Variants in ACTR3B observed in about 807,000 individuals in gnomAD.
The protein encoded by ACTR3B is actin related protein 3B, also known as actin-related protein 3B.
In ACTR3B, 8 loss-of-function variants were observed where a neutral mutation model predicts 59.0. That is an observed-to-expected ratio of 0.14 (90% confidence interval 0.08 to 0.24). The LOEUF (loss-of-function observed/expected upper bound fraction) is 0.24, where lower values mean the gene tolerates loss of function less well. ACTR3B is among the 10% of genes least tolerant of loss of function. ACTR3B has a pLI of 1.00. For synonymous variants in ACTR3B, 148 were observed against 197.9 expected, an observed-to-expected ratio of 0.75 and a Z score of 2.12; for missense variants, 245 against 552.3, an observed-to-expected ratio of 0.44 and a Z score of 5.58.
At chr7:152,825,473 A>G (rs1284135633) in intron 9 of ACTR3B, among the ~76,000 whole-genome samples, 3 of 151,468 alleles carry the variant, frequency 2.0e-5, no homozygotes, top group African/African-American at 7.3e-5. Flanking sequence ...CACCACACCC[A>G]GCGAATTTTT....
chr7:152,822,497 C>T (rs967638077), intron 7 of ACTR3B, among the ~76,000 whole-genome samples: 30 of 152,250 alleles, frequency 2.0e-4, no homozygotes, highest in Admixed American at 8.5e-4. Context: ...GAATCGTTAG[C>T]GACTTCTCTC....
intron 1 of ACTR3B, among the ~76,000 whole-genome samples, chr7:152,761,057 C>T (rs1212241499): frequency 6.6e-6 from 1 of 152,186 alleles, no homozygotes; most frequent in Non-Finnish European, 1.5e-5. Context: ...CAGTCCATCT[C>T]CTACTGTTAG....
chr7:152,800,466 C>T (rs2098231811), intron 2 of ACTR3B, 65 bp from the exon 3 acceptor site: 17 of 1,571,898 alleles, frequency 1.1e-5, no homozygotes, highest in Non-Finnish European at 1.4e-5. Context: ...AGGATATTAT[C>T]CCTTTTGATC....
intron 9 of ACTR3B, among the ~76,000 whole-genome samples, chr7:152,851,643 G>T (rs549902834): frequency 2.0e-5 from 3 of 152,228 alleles, no homozygotes; most frequent in African/African-American, 2.4e-5. Context: ...GGGCAGTGCT[G>T]GCTGGGTGGC....
At chr7:152,782,443 T>C (rs2689480) in intron 1 of ACTR3B, among the ~76,000 whole-genome samples, 6 of 152,218 alleles carry the variant, frequency 3.9e-5, no homozygotes, top group East Asian at 3.9e-4. Context: ...ATTTAGGAGA[T>C]TAGCAAATGC....
intron 9 of ACTR3B, among the ~76,000 whole-genome samples, chr7:152,844,617 A>G (rs535384204): frequency 6.6e-6 from 1 of 151,824 alleles, no homozygotes; most frequent in East Asian, 1.9e-4. Context: ...TCTGTTACAA[A>G]TTCTTTCTTA....
At chr7:152,768,625 C>T (rs531300980) in intron 1 of ACTR3B, among the ~76,000 whole-genome samples, 16 of 151,922 alleles carry the variant, frequency 1.1e-4, no homozygotes, top group Admixed American at 2.0e-4. Flanking sequence ...TACAGGCGCC[C>T]GCCATCACGC....
rs770685411 is a variant in ACTR3B at position 152,853,509 on chromosome 7, G to A, written c.1093G>A (p.Val365Ile). The change falls in exon 11 of 12, where the codon GTC becomes ATC. Residue 365 changes from valine to isoleucine, a missense_variant. By Grantham distance (29) the Val-to-Ile change is conservative. Transcript: ENST00000256001. ...GGRIKPKPVE[V>I]QVVTHHMQRY... ...TCTCTTCCAGCCGAAGCCTGTGGAGGTCCAGGTGGTCACGCATCACATGCA... is the reference window on the plus strand; with the variant it reads ...TCTCTTCCAGCCGAAGCCTGTGGAGATCCAGGTGGTCACGCATCACATGCA... The A allele has an allele frequency of 1.9e-6, 3 of 1,612,384 alleles. No homozygotes were observed. In the South Asian group the frequency reaches 3.3e-5, roughly 18 times the overall value.
chr7:152,777,520 TA>T (rs2098139056), intron 1 of ACTR3B, among the ~76,000 whole-genome samples: 1 of 151,940 alleles, frequency 6.6e-6, no homozygotes, highest in African/African-American at 2.4e-5. Context: ...TTTCATCCAT[TA>T]TATGTTCTTA....
chr7:152,801,557 T>C (rs1321074308), intron 3 of ACTR3B, 64 bp from the exon 4 acceptor site: 30 of 1,553,850 alleles, frequency 1.9e-5, no homozygotes, highest in Non-Finnish European at 2.6e-5. Flanking sequence ...TCTGTGCCAC[T>C]GTTAAACTGT....
At chr7:152,795,329 G>A (rs1263020767) in intron 2 of ACTR3B, among the ~76,000 whole-genome samples, 7 of 152,248 alleles carry the variant, frequency 4.6e-5, no homozygotes. Flanking sequence ...TTACAGGCGT[G>A]AGCCACTGCT....
intron 1 of ACTR3B, among the ~76,000 whole-genome samples, chr7:152,763,246 C>T (rs546099320): frequency 1.7e-5 from 2 of 120,270 alleles, no homozygotes; most frequent in East Asian, 6.0e-4. Flanking sequence ...ATCCGAGAGG[C>T]GGAAGTTGCA....
In ACTR3B at chr7:152,853,522, C is replaced by T. The variant is rs372489928; in HGVS notation, c.1106C>T (p.Thr369Met). Residue 369 changes from threonine to methionine, a missense_variant, in exon 11 of 12, where the codon ACG becomes ATG. Physicochemically the swap from Thr to Met is moderately conservative, Grantham distance 81. Transcript: ENST00000256001. ...AAGCCTGTGGAGGTCCAGGTGGTCA[C>T]GCATCACATGCAGCGCTACGCCGTG... ...KPKPVEVQVV[T>M]HHMQRYAVWF... 37 of 1,613,752 alleles carry T rather than the reference C, an allele frequency of 2.3e-5. No individual in the cohort carries two copies. The highest frequency in any genetic ancestry group is 6.7e-5 in the East Asian group (3 of 44,862).
intron 9 of ACTR3B, among the ~76,000 whole-genome samples, chr7:152,827,856 G>A (rs1328788795): frequency 4.0e-5 from 6 of 151,524 alleles, no homozygotes; most frequent in African/African-American, 7.3e-5. Context: ...AAGAATGCCC[G>A]TTTCTGTGCG....
intron 9 of ACTR3B, among the ~76,000 whole-genome samples, chr7:152,842,422 T>C (rs1797938345): frequency 6.6e-6 from 1 of 152,212 alleles, no homozygotes. Flanking sequence ...CTTCTCAGAA[T>C]GGTGCGCAGT....
chr7:152,820,957 T>G (rs1246032230), intron 7 of ACTR3B, among the ~76,000 whole-genome samples: 2 of 152,254 alleles, frequency 1.3e-5, no homozygotes, highest in Non-Finnish European at 2.9e-5. Context: ...TTCTCCTCAC[T>G]GCCTTCCTCC....
intron 4 of ACTR3B, chr7:152,812,456 T>G (rs1232090459): frequency 7.9e-6 from 1 of 126,948 alleles, no homozygotes; most frequent in Non-Finnish European, 1.8e-5. Context: ...ACCCATACAT[T>G]TTGGCTCATG....
intron 9 of ACTR3B, among the ~76,000 whole-genome samples, chr7:152,832,416 G>A (rs1797102234): frequency 6.6e-6 from 1 of 152,242 alleles, no homozygotes; most frequent in Admixed American, 6.5e-5. Flanking sequence ...GAGAGTAGCA[G>A]GTGAGGACAA....
chr7:152,764,009 A>T (rs1273899183), intron 1 of ACTR3B, among the ~76,000 whole-genome samples: 2 of 151,048 alleles, frequency 1.3e-5, no homozygotes, highest in Non-Finnish European at 3.0e-5. Flanking sequence ...TTTATTTTTT[A>T]TTTATTTATT....
Sources: allele counts gnomAD v4.1 joint callset (sites outside exome capture counted in the v4.1 genomes callset), GRCh38; gene constraint gnomAD v4.1.1; transcripts MANE v1.5; gene names NCBI Gene and HGNC (gene_info 2026-07-23, HGNC 2026-07-21).